Variants in ACSL1 observed in about 807,000 individuals in gnomAD.
ACSL1 encodes the protein acyl-CoA synthetase long chain family member 1.
A neutral mutation model predicts 98.4 loss-of-function variants in ACSL1; 41 were observed. That is an observed-to-expected ratio of 0.42 (90% CI 0.32 to 0.54). The LOEUF (loss-of-function observed/expected upper bound fraction) is 0.54. Ranked by LOEUF, ACSL1 falls within the 20% of genes least tolerant of loss-of-function variation. The pLI is 0.13. For synonymous variants in ACSL1, 316 were observed against 322.7 expected, an observed-to-expected ratio of 0.98 and a Z score of 0.22; for missense variants, 734 against 883.1, an observed-to-expected ratio of 0.83 and a Z score of 2.14.
intron 1 of ACSL1, among the ~76,000 whole-genome samples, chr4:184,816,857 C>T (rs1389800684): frequency 1.3e-5 from 2 of 152,036 alleles, no homozygotes; most frequent in Non-Finnish European, 2.9e-5. Context: ...TGCATCTTGC[C>T]AACTGCCCAA....
At chr4:184,763,117 C>A (rs375741961) in intron 16 of ACSL1, 50 bp downstream of exon 16, 2 of 1,585,582 alleles carry the variant, frequency 1.3e-6, no homozygotes, top group African/African-American at 2.7e-5. Flanking sequence ...CAAAGGCCAG[C>A]GATCACAGGA....
At chr4:184,809,110 T>A (rs1312850461) in intron 1 of ACSL1, among the ~76,000 whole-genome samples, 1 of 152,236 alleles carries the variant, frequency 6.6e-6, no homozygotes, top group East Asian at 1.9e-4. Context: ...CCAATTGAAT[T>A]TCCTAAGGAT....
rs1306516643 is a variant in ACSL1, at chr4:184,803,096, T to C, written c.195+224A>G. On this transcript the variant is annotated intron_variant, in intron 2 of 20. Coordinates refer to ENST00000281455, the MANE Select transcript of ACSL1 (RefSeq NM_001995.5). The surrounding 1 kb of genome is among the most constrained non-coding windows in gnomAD (Gnocchi z 4.8). Reference sequence around the variant, plus strand: ...ATGTCATTTCTAGAATGATCTTCCATGTGACGAGAGGTAGACACCCAACCG... The same window carrying C: ...ATGTCATTTCTAGAATGATCTTCCACGTGACGAGAGGTAGACACCCAACCG... Among the ~76,000 whole-genome samples, 2 of 152,226 alleles carry C rather than the reference T, an allele frequency of 1.3e-5. No individual in the cohort carries two copies. The highest frequency in any genetic ancestry group is 2.9e-5 in the Non-Finnish European group (2 of 68,032).
intron 1 of ACSL1, among the ~76,000 whole-genome samples, chr4:184,811,266 G>A (rs527746461): frequency 2.5e-4 from 38 of 151,382 alleles, no homozygotes; most frequent in African/African-American, 7.6e-4. Context: ...CCGCCACCAC[G>A]CCTGGCTAAT....
chr4:184,801,544 G>A (rs1770521893), intron 2 of ACSL1, among the ~76,000 whole-genome samples: 1 of 152,172 alleles, frequency 6.6e-6, no homozygotes, highest in African/African-American at 2.4e-5. Flanking sequence ...GTGTCCACAG[G>A]ATGATGCTAG....
At chr4:184,820,124 C>T (rs926417010) in intron 1 of ACSL1, among the ~76,000 whole-genome samples, 11 of 152,142 alleles carry the variant, frequency 7.2e-5, no homozygotes, top group African/African-American at 7.2e-5. Flanking sequence ...TCACCCCCCT[C>T]CGATCCCTGC....
At chr4:184,779,731 G>A (rs1467216576) in intron 5 of ACSL1, among the ~76,000 whole-genome samples, 1 of 152,118 alleles carries the variant, frequency 6.6e-6, no homozygotes, top group Admixed American at 6.5e-5. Flanking sequence ...GACTCTTAAA[G>A]TAAAAAGACT....
At position 184,756,152 on chromosome 4, in the gene ACSL1, G is replaced by T. The variant is rs1762102269; in HGVS notation, c.*973C>A. 2 of 152,342 alleles carry T rather than the reference G, an allele frequency of 1.3e-5. No homozygotes were observed. Among genetic ancestry groups the T allele is most frequent in the Admixed American group, 1.3e-4 (2 of 15,274 alleles). The allele number at this position is 152,342 out of a possible 1,614,324, so 9.4% of individuals were successfully genotyped here. A position where few individuals can be genotyped will look rare whatever the true frequency, so the allele number is the denominator to read the frequency against. ...CTTGCCTGAGAGTTTATTTTTTGGG[G>T]AAAAAGGCAAGTTAATCCCAACATG... On this transcript the variant is annotated 3_prime_UTR_variant, in exon 21 of 21. Transcript: ENST00000281455.
intron 5 of ACSL1, among the ~76,000 whole-genome samples, chr4:184,779,594 A>C (rs1258195386): frequency 1.3e-5 from 2 of 152,142 alleles, no homozygotes; most frequent in Non-Finnish European, 2.9e-5. Flanking sequence ...GGTATTTTAA[A>C]CTCTAGAAAC....
intron 1 of ACSL1, among the ~76,000 whole-genome samples, chr4:184,805,272 T>C (rs1318503983): frequency 6.6e-6 from 1 of 152,162 alleles, no homozygotes; most frequent in East Asian, 1.9e-4. Context: ...TAAATTTAAA[T>C]GAAATTAATT....
chr4:184,821,466 T>C (rs918221608), intron 1 of ACSL1, among the ~76,000 whole-genome samples: 21 of 152,220 alleles, frequency 1.4e-4, no homozygotes, highest in African/African-American at 4.6e-4. Context: ...CCCCGTTTCC[T>C]CCTCTGATGC....
intron 15 of ACSL1, 133 bp from the exon 16 acceptor site, chr4:184,763,388 C>T (rs986539074): frequency 1.3e-6 from 1 of 760,754 alleles, no homozygotes; most frequent in Non-Finnish European, 2.2e-6. Flanking sequence ...GCAATTACAG[C>T]CATTCTCTTC....
intron 11 of ACSL1, among the ~76,000 whole-genome samples, chr4:184,769,967 C>G: frequency 6.6e-6 from 1 of 152,206 alleles, no homozygotes; most frequent in East Asian, 1.9e-4. Context: ...GCATTAGGAA[C>G]AAGCACAATC....
chr4:184,758,070 G>A, intron 18 of ACSL1, 150 bp from the exon 19 acceptor site: 2 of 695,962 alleles, frequency 2.9e-6, no homozygotes, highest in Non-Finnish European at 4.8e-6. Flanking sequence ...TCCCCCAGGA[G>A]TTCACTCAGC....
rs529482408 is a variant in ACSL1 at position 184,814,768 on chromosome 4, C to G, written c.-33+11148G>C. Among the ~76,000 whole-genome samples the G allele has an allele frequency of 1.8e-4, 28 of 152,276 alleles. No individual in the cohort carries two copies. In the South Asian group the frequency reaches 4.1e-3, roughly 23 times the overall value. Reference sequence around the variant, plus strand: ...GTGACCTGTCCTCAGAACAGAATGACAGATAGGATATAAACCCCTCCTGGA... The same window carrying G: ...GTGACCTGTCCTCAGAACAGAATGAGAGATAGGATATAAACCCCTCCTGGA... On this transcript the variant is annotated intron_variant, in intron 1 of 20. Coordinates refer to ENST00000281455, the MANE Select transcript of ACSL1 (RefSeq NM_001995.5).
At chr4:184,808,214 C>G in intron 1 of ACSL1, 1 of 737,196 alleles carries the variant, frequency 1.4e-6, no homozygotes, top group Non-Finnish European at 1.7e-6. Flanking sequence ...GGACATCATT[C>G]TCTTGAAGAT....
chr4:184,804,057 A>G (rs970035981), intron 1 of ACSL1, among the ~76,000 whole-genome samples: 4 of 152,194 alleles, frequency 2.6e-5, no homozygotes, highest in Non-Finnish European at 5.9e-5. Flanking sequence ...AAACACACCA[A>G]TGTAAATTTC....
intron 3 of ACSL1, among the ~76,000 whole-genome samples, chr4:184,786,914 G>A (rs1435060768): frequency 2.6e-5 from 4 of 151,978 alleles, no homozygotes; most frequent in East Asian, 1.9e-4. Flanking sequence ...GGCTGGTCTC[G>A]AACTCCTGAC....
intron 3 of ACSL1, among the ~76,000 whole-genome samples, chr4:184,788,069 A>G (rs1479982007): frequency 6.6e-6 from 1 of 152,186 alleles, no homozygotes; most frequent in Non-Finnish European, 1.5e-5. Context: ...GTGGCTCTGC[A>G]GGAAGTTCAG....
Sources: allele counts gnomAD v4.1 joint callset (sites outside exome capture counted in the v4.1 genomes callset), GRCh38; gene constraint gnomAD v4.1.1; non-coding constraint Gnocchi (gnomAD v3.1); transcripts MANE v1.5; gene names NCBI Gene and HGNC (gene_info 2026-07-23, HGNC 2026-07-21).